The following PIK3C3 variants were observed in gnomAD, a reference collection of about 807,000 sequenced individuals.
PIK3C3 encodes phosphatidylinositol 3-kinase catalytic subunit type 3, also known as PI3-kinase type 3.
A neutral mutation model predicts 126.1 loss-of-function variants in PIK3C3; 95 were observed. The ratio of observed to expected loss-of-function variants is 0.75; its 90% CI spans 0.64 to 0.89. The LOEUF is 0.89. Ranked by LOEUF, PIK3C3 falls within the 40% of genes least tolerant of loss-of-function variation. PIK3C3 has a pLI of 0.00. For missense variants in PIK3C3, 829 were observed against 1,063.2 expected (o/e 0.78, Z 3.06); for synonymous variants, 374 against 360.0 (o/e 1.04, Z -0.44).
At chr18:42,031,877 G>T (rs542908057) in intron 15 of PIK3C3, among the ~76,000 whole-genome samples, 3 of 152,116 alleles carry the variant, frequency 2.0e-5, no homozygotes, top group Admixed American at 6.5e-5. Context: ...TGCTTTTCTA[G>T]GTTCTTGGGA....
intron 19 of PIK3C3, 42 bp from the exon 20 acceptor site, chr18:42,043,691 G>C (rs751417340): frequency 7.6e-7 from 1 of 1,322,204 alleles, no homozygotes; most frequent in Admixed American, 1.7e-5. Flanking sequence ...TAGTTTGTTT[G>C]TTTGTACTTA....
chr18:41,999,568 A>G (rs1982185349), intron 9 of PIK3C3, among the ~76,000 whole-genome samples: 1 of 152,146 alleles, frequency 6.6e-6, no homozygotes, highest in Non-Finnish European at 1.5e-5. Flanking sequence ...ATTCATTATC[A>G]CCTCTTGGCC....
chr18:42,007,136 G>A (rs1251877131), intron 10 of PIK3C3, among the ~76,000 whole-genome samples: 1 of 152,106 alleles, frequency 6.6e-6, no homozygotes, highest in Non-Finnish European at 1.5e-5. Context: ...CCGAAGTGCT[G>A]GGATTACAGG....
At chr18:42,076,198 A>G in intron 24 of PIK3C3, among the ~76,000 whole-genome samples, 1 of 95,566 alleles carries the variant, frequency 1.0e-5, no homozygotes, top group South Asian at 2.8e-4. Context: ...ATATGCACAC[A>G]TATATATATG....
At chr18:42,057,282 T>TTACA (rs34170941) in intron 21 of PIK3C3, among the ~76,000 whole-genome samples, 74,046 of 151,470 alleles carry the variant, frequency 0.49, 19,592 homozygotes, top group African/African-American at 0.7. Context: ...TACATTACTC[T>TTACA]TACTATACAA....
chr18:42,033,797 C>T (rs1412143671), intron 15 of PIK3C3, 29 bp from the exon 16 acceptor site: 4 of 1,515,806 alleles, frequency 2.6e-6, no homozygotes, highest in East Asian at 2.4e-5. Context: ...TCTATTTTAA[C>T]CTCATTAATC....
intron 12 of PIK3C3, among the ~76,000 whole-genome samples, chr18:42,020,275 G>A (rs528691484): frequency 6.6e-6 from 1 of 152,156 alleles, no homozygotes; most frequent in Non-Finnish European, 1.5e-5. Flanking sequence ...CCTTGAACAA[G>A]CCAAACTTAG....
At chr18:42,033,275 G>A (rs1045620326) in intron 15 of PIK3C3, among the ~76,000 whole-genome samples, 7 of 152,150 alleles carry the variant, frequency 4.6e-5, no homozygotes, top group African/African-American at 1.4e-4. Flanking sequence ...TTATGTATAT[G>A]AGCTGAAGAA....
At chr18:41,983,533 A>G (rs905310867) in intron 4 of PIK3C3, among the ~76,000 whole-genome samples, 1 of 152,144 alleles carries the variant, frequency 6.6e-6, no homozygotes, top group Non-Finnish European at 1.5e-5. Context: ...GAATGAATAA[A>G]TGCTAGCTTC....
chr18:41,962,307 GT>G (rs1223211603), intron 2 of PIK3C3, among the ~76,000 whole-genome samples, 181 bp from the exon 3 acceptor site: 1 of 151,844 alleles, frequency 6.6e-6, no homozygotes, highest in Non-Finnish European at 1.5e-5. Context: ...AAACAATTAT[GT>G]TTTTATTTAA....
chr18:41,980,934 C>T (rs770036964), intron 4 of PIK3C3, among the ~76,000 whole-genome samples: 39 of 151,890 alleles, frequency 2.6e-4, no homozygotes, highest in Non-Finnish European at 2.9e-5. Flanking sequence ...TTTTCTTCCT[C>T]GAATGTTTTG....
intron 5 of PIK3C3, among the ~76,000 whole-genome samples, 185 bp from the exon 6 acceptor site, chr18:41,990,274 T>A (rs922831650): frequency 4.6e-5 from 7 of 152,172 alleles, no homozygotes; most frequent in Non-Finnish European, 8.8e-5. Flanking sequence ...AGTAGTGCTG[T>A]CTATAATAAA....
chr18:42,075,892 C>T (rs1006920097), intron 24 of PIK3C3, among the ~76,000 whole-genome samples: 9 of 149,788 alleles, frequency 6.0e-5, no homozygotes, highest in Non-Finnish European at 3.0e-5. Flanking sequence ...AAAGCTGTTT[C>T]ATCTGCACTG....
At chr18:42,032,268 A>T (rs1257676071) in intron 15 of PIK3C3, among the ~76,000 whole-genome samples, 2 of 152,172 alleles carry the variant, frequency 1.3e-5, no homozygotes, top group East Asian at 3.8e-4. Context: ...AGCAGAGGGA[A>T]TGGGTACAGT....
intron 21 of PIK3C3, among the ~76,000 whole-genome samples, chr18:42,052,024 G>GA (rs1870712028): frequency 6.6e-6 from 1 of 151,512 alleles, no homozygotes; most frequent in Non-Finnish European, 1.5e-5. Context: ...TTTGCCAGTG[G>GA]AAAAAAAGGT....
Position 41,993,357 on chromosome 18 carries a change from A to G in PIK3C3, c.786+16A>G. ...GATGTCTATGGTAAGTTATTGTGCA[A>G]TTTTTTTATGAAAGTACTTTTCTTC... On this transcript the variant is annotated intron_variant, in intron 7 of 24. Coordinates refer to ENST00000262039, the MANE Select transcript of PIK3C3 (RefSeq NM_002647.4). The G allele has an allele frequency of 6.5e-7, 1 of 1,539,292 alleles. No homozygotes were observed. Among genetic ancestry groups the G allele is most frequent in the African/African-American group, 1.4e-5 (1 of 73,062 alleles).
chr18:42,023,234 T>TA (rs1211400011), intron 13 of PIK3C3, among the ~76,000 whole-genome samples: 1 of 152,228 alleles, frequency 6.6e-6, no homozygotes, highest in Non-Finnish European at 1.5e-5. Context: ...GCTTTCAAGT[T>TA]ACATATTCTT....
intron 15 of PIK3C3, 55 bp downstream of exon 15, chr18:42,029,496 C>T: frequency 5.1e-6 from 4 of 781,062 alleles, no homozygotes; most frequent in East Asian, 3.0e-5. Context: ...TCAGAAAATA[C>T]TGAATTTTCA....
intron 23 of PIK3C3, among the ~76,000 whole-genome samples, chr18:42,067,165 GT>G (rs1985576967): frequency 6.6e-6 from 1 of 151,998 alleles, no homozygotes; most frequent in Middle Eastern, 3.2e-3. Context: ...CTTAAAAACT[GT>G]TTACAACCAA....
Sources: allele counts gnomAD v4.1 joint callset (sites outside exome capture counted in the v4.1 genomes callset), GRCh38; gene constraint gnomAD v4.1.1; transcripts MANE v1.5; gene names NCBI Gene and HGNC (gene_info 2026-07-23, HGNC 2026-07-21).